The following XYLT1 variants were observed in gnomAD, a reference collection of about 807,000 sequenced individuals.
XYLT1 encodes beta-D-xylosyltransferase 1.
A neutral mutation model predicts 91.3 loss-of-function variants in XYLT1; 36 were observed. That is an observed-to-expected ratio of 0.39 (90% CI 0.30 to 0.52). XYLT1 has a LOEUF of 0.52. Ranked by LOEUF, XYLT1 falls within the 20% of genes least tolerant of loss-of-function variation. The pLI, the probability that XYLT1 is intolerant of heterozygous loss-of-function variation, is 0.68. For synonymous variants in XYLT1, 588 were observed against 532.0 expected (o/e 1.11, Z -1.45); for missense variants, 1,242 against 1,284.5 (o/e 0.97, Z 0.51).
chr16:17,300,861 C>T (rs960908129), intron 2 of XYLT1, among the ~76,000 whole-genome samples: 2 of 152,100 alleles, frequency 1.3e-5, no homozygotes, highest in East Asian at 1.9e-4. Context: ...CAAAATAACA[C>T]GTACAGTTTG....
chr16:17,342,903 T>A (rs1403784976), intron 2 of XYLT1, among the ~76,000 whole-genome samples: 1 of 152,194 alleles, frequency 6.6e-6, no homozygotes, highest in African/African-American at 2.4e-5. Flanking sequence ...TAATATGATA[T>A]GCTATTGATA....
At chr16:17,121,075 C>A (rs970413000) in intron 10 of XYLT1, among the ~76,000 whole-genome samples, 6 of 152,274 alleles carry the variant, frequency 3.9e-5, no homozygotes, top group African/African-American at 1.4e-4. Flanking sequence ...TGAGTAGGGG[C>A]TGAACACATG....
intron 1 of XYLT1, among the ~76,000 whole-genome samples, chr16:17,429,914 G>A (rs1042875274): frequency 1.7e-4 from 25 of 150,912 alleles, no homozygotes; most frequent in African/African-American, 6.1e-4. Context: ...ATAATCATGG[G>A]AGCCAATTCC....
intron 6 of XYLT1, among the ~76,000 whole-genome samples, chr16:17,157,204 T>C (rs1567300056): frequency 6.6e-6 from 1 of 152,084 alleles, no homozygotes; most frequent in Non-Finnish European, 1.5e-5. Flanking sequence ...TGCCTCACCC[T>C]CCCAAAGTTC....
intron 1 of XYLT1, among the ~76,000 whole-genome samples, chr16:17,384,414 C>T (rs1249214705): frequency 2.0e-5 from 3 of 151,800 alleles, no homozygotes; most frequent in Non-Finnish European, 4.4e-5. Flanking sequence ...TGATCACCTC[C>T]CTAGCTGAAT....
intron 3 of XYLT1, among the ~76,000 whole-genome samples, chr16:17,253,454 A>C (rs1416567258): frequency 6.6e-6 from 1 of 152,100 alleles, no homozygotes; most frequent in African/African-American, 2.4e-5. Context: ...CCTCAGCATG[A>C]CCAGGAGAAG....
chr16:17,197,630 A>G (rs889884243), intron 5 of XYLT1, among the ~76,000 whole-genome samples: 1 of 152,146 alleles, frequency 6.6e-6, no homozygotes, highest in Non-Finnish European at 1.5e-5. Context: ...TGGCCAGAAT[A>G]AAAGCAGGCA....
At chr16:17,341,379 TAAC>T (rs1182601038) in intron 2 of XYLT1, among the ~76,000 whole-genome samples, 4 of 152,152 alleles carry the variant, frequency 2.6e-5, no homozygotes, top group South Asian at 4.2e-4. Context: ...AAGTTAAAAA[TAAC>T]GACGAAGAAT....
At chr16:17,251,070 G>A (rs534334108) in intron 3 of XYLT1, 7 of 152,334 alleles carry the variant, frequency 4.6e-5, no homozygotes, top group African/African-American at 9.6e-5. Flanking sequence ...TACTCACGCT[G>A]TGTAGTTACC....
intron 1 of XYLT1, among the ~76,000 whole-genome samples, chr16:17,372,143 G>A (rs1051505175): frequency 7.9e-5 from 12 of 152,180 alleles, no homozygotes; most frequent in African/African-American, 2.9e-4. Context: ...GGAAAAACAT[G>A]CAGCATCCCA....
At chr16:17,441,756 T>C (rs1365486633) in intron 1 of XYLT1, among the ~76,000 whole-genome samples, 2 of 152,162 alleles carry the variant, frequency 1.3e-5, no homozygotes, top group Admixed American at 6.5e-5. Flanking sequence ...AAGTGTCAGA[T>C]AATGGCTGAG....
At chr16:17,359,624 C>G (rs747405026) in intron 1 of XYLT1, among the ~76,000 whole-genome samples, 2 of 152,184 alleles carry the variant, frequency 1.3e-5, no homozygotes, top group African/African-American at 4.8e-5. Context: ...TTCTCACATT[C>G]CCCCAGGCAT....
rs1400506500 is a variant in XYLT1, at chr16:17,138,464, A to C, written c.1655T>G (p.Ile552Ser). ...CDTMVDNNLR[I>S]TNWNRKLGCK... ...GCCCAGCTTGCGATTCCAGTTGGTG[A>C]TGCGCAGGTTGTTGTCCACCATGGT... Residue 552 changes from isoleucine (I) to serine (S), a missense_variant, in exon 8 of 12, where the codon ATC (isoleucine) becomes AGC (serine). This residue lies in a region of XYLT1 where 294 missense variants were observed against 376.0 expected (regional missense o/e 0.78). Transcript: ENST00000261381. 7 of 1,614,022 alleles carry C rather than the reference A, an allele frequency of 4.3e-6. No individual in the cohort carries two copies. The highest frequency in any genetic ancestry group is 5.9e-6 in the Non-Finnish European group (7 of 1,180,016).
intron 2 of XYLT1, among the ~76,000 whole-genome samples, chr16:17,272,310 G>A (rs965970830): frequency 1.1e-4 from 16 of 151,738 alleles, no homozygotes; most frequent in Admixed American, 5.9e-4. Flanking sequence ...TTACAGATGC[G>A]CATCACCATG....
chr16:17,287,961 G>C (rs912583502), intron 2 of XYLT1, among the ~76,000 whole-genome samples: 1 of 150,946 alleles, frequency 6.6e-6, no homozygotes, highest in Non-Finnish European at 1.5e-5. Context: ...TTGAGACAGG[G>C]TCTGGCTCTG....
chr16:17,128,625 A>T (rs1366188300), intron 9 of XYLT1, among the ~76,000 whole-genome samples: 2 of 152,220 alleles, frequency 1.3e-5, no homozygotes, highest in African/African-American at 4.8e-5. Flanking sequence ...ATCTTTAACC[A>T]TGATTGCCAA....
chr16:17,208,798 C>A (rs928697411), intron 3 of XYLT1, among the ~76,000 whole-genome samples: 5 of 152,152 alleles, frequency 3.3e-5, no homozygotes, highest in African/African-American at 4.8e-5. Context: ...AATCTCGGCT[C>A]ACTGCAACCT....
rs977623521 is a variant in XYLT1, at chr16:17,217,632, G to A, written c.914-16978C>T. ...AGCTACGCTGCCAGGCACTGAGAATGCCCAAATGAACAAAACCAGTGTTGA... is the reference window on the plus strand; with the variant it reads ...AGCTACGCTGCCAGGCACTGAGAATACCCAAATGAACAAAACCAGTGTTGA... On this transcript the variant is annotated intron_variant, in intron 3 of 11. Coordinates refer to ENST00000261381, the MANE Select transcript of XYLT1 (RefSeq NM_022166.4). Among the ~76,000 whole-genome samples the A allele has an allele frequency of 2.0e-5, 3 of 152,196 alleles. No individual in the cohort carries two copies. The South Asian group carries it at 6.2e-4, about 32-fold the overall frequency.
intron 5 of XYLT1, among the ~76,000 whole-genome samples, chr16:17,173,054 C>A (rs139564662): frequency 0.011 from 1,686 of 151,816 alleles, 12 homozygotes; most frequent in Non-Finnish European, 0.017. Context: ...AACAAACAAA[C>A]AAAAAAAACC....
Sources: allele counts gnomAD v4.1 joint callset (sites outside exome capture counted in the v4.1 genomes callset), GRCh38; gene constraint gnomAD v4.1.1; regional missense constraint gnomAD v4.1.1; transcripts MANE v1.5; gene names NCBI Gene and HGNC (gene_info 2026-07-23, HGNC 2026-07-21).